CFAP221: variants seen among roughly 807,000 people sequenced by gnomAD.
The protein encoded by CFAP221 is cilia- and flagella-associated protein 221.
In CFAP221, 97 loss-of-function variants were observed where a neutral mutation model predicts 113.1. That is an observed-to-expected ratio of 0.86 (90% CI 0.73 to 1.02). CFAP221 has a LOEUF of 1.02. Among genes scored for constraint, CFAP221 ranks in the 50% least tolerant of loss-of-function variants. The pLI is 0.00. For missense variants in CFAP221, 1,025 were observed against 1,013.4 expected (o/e 1.01, Z -0.16); for synonymous variants, 331 against 354.4 (o/e 0.93, Z 0.74).
intron 13 of CFAP221, among the ~76,000 whole-genome samples, chr2:119,614,582 C>T (rs1163576032): frequency 1.3e-5 from 2 of 152,142 alleles, no homozygotes; most frequent in African/African-American, 4.8e-5. Context: ...CTTACAAAAA[C>T]CATCAGATCT....
intron 7 of CFAP221, among the ~76,000 whole-genome samples, chr2:119,594,392 C>T (rs568514093): frequency 1.5e-4 from 23 of 151,894 alleles, no homozygotes; most frequent in Admixed American, 1.0e-3. Context: ...TGCACCAACA[C>T]GCCCGGCTAA....
chr2:119,638,371 A>T lies in CFAP221; in HGVS notation c.2087A>T (p.His696Leu). 6.2e-7 allele frequency: 1 copy of T among 1,614,172 alleles called. No individual in the cohort carries two copies. Among genetic ancestry groups the T allele is most frequent in the African/African-American group, 1.3e-5 (1 of 75,034 alleles). ...PKYKFTKESR[H>L]GSSIPVTQKQ... ...TACAAATTCACCAAAGAGTCCCGCC[A>T]CGGGTCCAGCATTCCTGTCACCCAA... is the stretch of plus-strand genomic sequence containing the variant. Residue 696 changes from histidine (H) to leucine (L), a missense_variant, in exon 20 of 24, where the codon CAC becomes CTC. Coordinates refer to ENST00000413369, the MANE Select transcript of CFAP221 (RefSeq NM_001271049.2).
rs137895652 is a variant in CFAP221 at position 119,656,593 on chromosome 2, G to A, written c.*123G>A. On this transcript the variant is annotated 3_prime_UTR_variant, in exon 24 of 24. Coordinates refer to ENST00000413369, the MANE Select transcript of CFAP221 (RefSeq NM_001271049.2). ...CTGGATAAAAAAATGAAATGTAGAGGATGTATATATCTTTTAAGTGATAAT... is the reference window on the plus strand; with the variant it reads ...CTGGATAAAAAAATGAAATGTAGAGAATGTATATATCTTTTAAGTGATAAT... The A allele has an allele frequency of 6.9e-4, 444 of 639,638 alleles. 1 individual carries two copies. In the African/African-American group the frequency reaches 7.5e-3, roughly 11 times the overall value. The allele number at this position is 639,638 out of a possible 1,614,324, so 39.6% of individuals were successfully genotyped here. A position where few individuals can be genotyped will look rare whatever the true frequency, so the allele number is the denominator to read the frequency against.
intron 12 of CFAP221, among the ~76,000 whole-genome samples, chr2:119,609,828 A>T (rs1369901588): frequency 6.6e-6 from 1 of 152,220 alleles, no homozygotes; most frequent in Non-Finnish European, 1.5e-5. Context: ...GTCAGATATG[A>T]ATATGTTTCT....
At chr2:119,578,267 G>C (rs1198157363) in intron 6 of CFAP221, among the ~76,000 whole-genome samples, 1 of 152,186 alleles carries the variant, frequency 6.6e-6, no homozygotes. Flanking sequence ...CTAGAGCCCA[G>C]AATCAAGGAA....
intron 6 of CFAP221, among the ~76,000 whole-genome samples, chr2:119,574,527 A>G (rs983530156): frequency 6.6e-6 from 1 of 152,150 alleles, no homozygotes; most frequent in Non-Finnish European, 1.5e-5. Context: ...ACAGTTGTGG[A>G]TGGTTTTTGG....
intron 6 of CFAP221, among the ~76,000 whole-genome samples, chr2:119,573,629 G>C (rs192131002): frequency 6.6e-6 from 1 of 152,194 alleles, no homozygotes; most frequent in Non-Finnish European, 1.5e-5. Context: ...CCAGGAGTTC[G>C]AGGATGTAGT....
Position 119,546,106 on chromosome 2 carries a change from A to T in CFAP221, c.-26A>T, listed in dbSNP as rs1021381724. On this transcript the variant is annotated 5_prime_UTR_variant, in exon 2 of 24. The change creates a premature stop within an existing upstream ORF in the 5' untranslated region. Coordinates refer to ENST00000413369, the MANE Select transcript of CFAP221 (RefSeq NM_001271049.2). Reference sequence around the variant, plus strand: ...CCAGGACATGACCTTTGGCTCTAAAAAGAAGACTCCATTTTTCATGATAAA... The same window carrying T: ...CCAGGACATGACCTTTGGCTCTAAATAGAAGACTCCATTTTTCATGATAAA... The T allele has an allele frequency of 8.6e-6, 13 of 1,519,314 alleles. No homozygotes were observed. The Admixed American group carries it at 1.5e-4, about 18-fold the overall frequency. The allele number at this position is 1,519,314 out of a possible 1,614,324, so 94.1% of individuals were successfully genotyped here. A position where few individuals can be genotyped will look rare whatever the true frequency, so the allele number is the denominator to read the frequency against.
chr2:119,649,139 C>T (rs981069943), intron 22 of CFAP221, among the ~76,000 whole-genome samples: 10 of 152,146 alleles, frequency 6.6e-5, no homozygotes, highest in Admixed American at 2.0e-4. Flanking sequence ...TCTCACTTCA[C>T]GAATGAAGCT....
chr2:119,549,068 C>G lies in CFAP221; in HGVS notation c.140-17C>G. On this transcript the variant is annotated splice_polypyrimidine_tract_variant and intron_variant, in intron 2 of 23. Transcript: ENST00000413369. ...CTTTGATGTCTCATGATGTGCTTAT[C>G]TACATTGTTTTTATAGAGGTTTATG... 6.8e-7 allele frequency: 1 copy of G among 1,465,020 alleles called. No individual in the cohort carries two copies. Among genetic ancestry groups the G allele is most frequent in the Non-Finnish European group, 9.1e-7 (1 of 1,097,602 alleles). 90.8% of individuals were successfully genotyped at this position (1,465,020 alleles called of 1,614,324 possible).
chr2:119,643,537 G>A (rs1687620106), intron 21 of CFAP221, among the ~76,000 whole-genome samples: 1 of 152,138 alleles, frequency 6.6e-6, no homozygotes, highest in Non-Finnish European at 1.5e-5. Context: ...TGTCAAGTAA[G>A]GACATTAAAT....
At chr2:119,655,669 T>C (rs1311198315) in intron 23 of CFAP221, among the ~76,000 whole-genome samples, 4 of 152,178 alleles carry the variant, frequency 2.6e-5, no homozygotes, top group Admixed American at 2.6e-4. Context: ...GTGAGCACCA[T>C]GACAGTCTCT....
Position 119,625,651 on chromosome 2 carries a change from G to A in CFAP221, c.1479G>A (p.Leu493=). 6.2e-7 allele frequency: 1 copy of A among 1,613,688 alleles called. No individual in the cohort carries two copies. Among genetic ancestry groups the A allele is most frequent in the Non-Finnish European group, 8.5e-7 (1 of 1,179,562 alleles). Residue 493 remains leucine, a synonymous_variant, in exon 15 of 24, where the codon CTG becomes CTA. Coordinates refer to ENST00000413369, the MANE Select transcript of CFAP221 (RefSeq NM_001271049.2). ...GTGAAATGGACAAAGAGAGTATACT[G>A]AGAAAGATTGGCCAAGCAAAACAAT... The part of the protein sequence containing the change: ...AVREMDKESI[L]RKIGQAKQSI...
Position 119,623,239 on chromosome 2 carries a change from C to T in CFAP221, c.1411-2344C>T, listed in dbSNP as rs1444360779. Among the ~76,000 whole-genome samples, 4 of 152,226 alleles carry T rather than the reference C, an allele frequency of 2.6e-5. No homozygotes were observed. In the East Asian group the frequency reaches 7.7e-4, roughly 29 times the overall value. The stretch of plus-strand genomic sequence containing the variant: ...CACCAATAATAGACAAACAGAGAAA[C>T]AAATCATGAGTGAACTCCCATTCAC... On this transcript the variant is annotated intron_variant, in intron 14 of 23. Transcript: ENST00000413369.
Position 119,638,271 on chromosome 2 carries a change from G to A in CFAP221, c.1987G>A (p.Gly663Arg). 6.2e-7 allele frequency: 1 copy of A among 1,614,052 alleles called. No individual in the cohort carries two copies. The highest frequency in any genetic ancestry group is 8.5e-7 in the Non-Finnish European group (1 of 1,179,972). The part of the protein sequence containing the change: ...DPLYVFNPNP[G>R]LFAVMHPLTY... ...CTGTCTTCGGCAGAATCCCAACCCA[G>A]GATTATTTGCTGTAATGCATCCTCT... The change falls in exon 20 of 24, where the codon GGA (glycine) becomes AGA (arginine). Residue 663 changes from glycine (G) to arginine (R), a missense_variant. By Grantham distance (125) the Gly-to-Arg change is moderately radical. Coordinates refer to ENST00000413369, the MANE Select transcript of CFAP221 (RefSeq NM_001271049.2).
intron 19 of CFAP221, among the ~76,000 whole-genome samples, chr2:119,636,727 C>T (rs749258957): frequency 2.0e-5 from 3 of 152,196 alleles, no homozygotes; most frequent in Non-Finnish European, 4.4e-5. Flanking sequence ...ACTGCTTTTC[C>T]TCACAAATCC....
In CFAP221 at chr2:119,644,411, A is replaced by T. The variant is rs539111251; in HGVS notation, c.2226-2547A>T. ...GGCCCAGACCCTGAACTTCTCAGTC[A>T]CTCTTCTTAGTGGGAATTCCCTCTG... On this transcript the variant is annotated intron_variant, in intron 21 of 23. Coordinates refer to ENST00000413369, the MANE Select transcript of CFAP221 (RefSeq NM_001271049.2). Among the ~76,000 whole-genome samples, 6 of 152,206 alleles carry T rather than the reference A, an allele frequency of 3.9e-5. No homozygotes were observed. The South Asian group carries it at 1.2e-3, about 32-fold the overall frequency.
chr2:119,600,761 TTCTTCCACC>T (rs1211278853), intron 7 of CFAP221, among the ~76,000 whole-genome samples: 3 of 152,184 alleles, frequency 2.0e-5, no homozygotes, highest in Admixed American at 6.5e-5. Context: ...TGCCTGCCTC[TTCTTCCACC>T]TCTTCCACCT....
chr2:119,568,371 G>A (rs1681793915), intron 6 of CFAP221, among the ~76,000 whole-genome samples: 1 of 151,890 alleles, frequency 6.6e-6, no homozygotes, highest in Non-Finnish European at 1.5e-5. Flanking sequence ...TGTGCAGGAT[G>A]TGCAGGTTTG....
Sources: gnomAD v4.1 joint callset for allele counts (sites outside exome capture counted in the v4.1 genomes callset) on GRCh38, gnomAD v4.1.1 for gene constraint, MANE v1.5 for transcripts, NCBI Gene and HGNC (gene_info 2026-07-23, HGNC 2026-07-21) for gene names.